SEMA3E: variants seen among roughly 807,000 people sequenced by gnomAD.
The protein encoded by SEMA3E is semaphorin 3E.
Under a neutral mutation model 93.6 loss-of-function variants are expected in SEMA3E, and 49 were observed. That is an observed-to-expected ratio of 0.52 (90% CI 0.42 to 0.66). The LOEUF is 0.66. Among genes scored for constraint, SEMA3E ranks in the 30% least tolerant of loss-of-function variants. The pLI is 0.00. For missense variants in SEMA3E, 906 were observed against 964.8 expected (o/e 0.94, Z 0.81); for synonymous variants, 363 against 330.7 (o/e 1.10, Z -1.06).
intron 1 of SEMA3E, among the ~76,000 whole-genome samples, chr7:83,492,894 A>G (rs1332679738): frequency 6.6e-6 from 1 of 151,956 alleles, no homozygotes; most frequent in Non-Finnish European, 1.5e-5. Context: ...ATTTACCTCT[A>G]AAAACATGAG....
At chr7:83,574,012 T>C (rs2115879520) in intron 1 of SEMA3E, among the ~76,000 whole-genome samples, 1 of 152,278 alleles carries the variant, frequency 6.6e-6, no homozygotes, top group African/African-American at 2.4e-5. Flanking sequence ...AAATATGCTC[T>C]CTTTAATCTG....
At position 83,520,678 on chromosome 7, in the gene SEMA3E, G is replaced by T. The variant is rs150199848; in HGVS notation, c.116-30404C>A. Among the ~76,000 whole-genome samples, 12 of 152,268 alleles carry T rather than the reference G, an allele frequency of 7.9e-5. No individual in the cohort carries two copies. In the East Asian group the frequency reaches 2.3e-3, roughly 29 times the overall value. ...ACCGTATTTAAGATACTTAATAGATGCAAGTTTAGCATTTCCAATATGGAA... is the reference window on the plus strand; with the variant it reads ...ACCGTATTTAAGATACTTAATAGATTCAAGTTTAGCATTTCCAATATGGAA... On this transcript the variant is annotated intron_variant, in intron 1 of 16. Coordinates refer to ENST00000643230, the MANE Select transcript of SEMA3E (RefSeq NM_012431.3).
At chr7:83,645,757 TCTC>T (rs1188980617) in intron 1 of SEMA3E, among the ~76,000 whole-genome samples, 11 of 151,442 alleles carry the variant, frequency 7.3e-5, no homozygotes, top group African/African-American at 2.7e-4. Flanking sequence ...CTCTGCCTTT[TCTC>T]CTCTTTAATC....
In SEMA3E at chr7:83,389,662, T is replaced by TAC. The variant is rs1012128455; in HGVS notation, c.1668-2614_1668-2613dup. ...TACACGTATATATTACATGTATACA[T>TAC]ACACACATATACACGTATATATTAC... On this transcript the variant is annotated intron_variant, in intron 14 of 16. Transcript: ENST00000643230. Among the ~76,000 whole-genome samples, 47 of 150,932 alleles carry TAC rather than the reference T, an allele frequency of 3.1e-4. 4 individuals are homozygous for TAC. Among genetic ancestry groups the TAC allele is most frequent in the African/African-American group, 1.1e-3 (45 of 41,246 alleles).
chr7:83,578,664 G>A (rs1174536068), intron 1 of SEMA3E, among the ~76,000 whole-genome samples: 2 of 151,826 alleles, frequency 1.3e-5, no homozygotes, highest in African/African-American at 4.8e-5. Flanking sequence ...AGAAAAACTG[G>A]TTATAAAAAA....
At chr7:83,401,759 T>C (rs1366651270) in intron 10 of SEMA3E, among the ~76,000 whole-genome samples, 1 of 152,064 alleles carries the variant, frequency 6.6e-6, no homozygotes, top group African/African-American at 2.4e-5. Flanking sequence ...GACTTGCAAG[T>C]AATCGTGGAA....
intron 2 of SEMA3E, among the ~76,000 whole-genome samples, chr7:83,470,856 C>T (rs1373261001): frequency 5.6e-5 from 3 of 53,710 alleles, no homozygotes; most frequent in South Asian, 7.4e-4. Context: ...GGTTCCCCCA[C>T]ATTTTCTTTT....
Position 83,400,058 on chromosome 7 carries a change from C to T in SEMA3E, c.1336G>A (p.Gly446Ser), listed in dbSNP as rs776050170. 1.2e-6 allele frequency: 2 copies of T among 1,613,816 alleles called. No homozygotes were observed. The highest frequency in any genetic ancestry group is 1.7e-6 in the Non-Finnish European group (2 of 1,179,792). The change falls in exon 11 of 17, where the codon GGC becomes AGC. Residue 446 changes from glycine to serine, a missense_variant. Coordinates refer to ENST00000643230, the MANE Select transcript of SEMA3E (RefSeq NM_012431.3). ...CCAATAAACAAGACGTCATATTGGC[C>T]ATCCTCAGCTTCCACTCGATCTACT... Reference protein sequence around the residue: ...IAVDRVEAEDGQYDVLFIGTD... With the variant: ...IAVDRVEAEDSQYDVLFIGTD...
intron 1 of SEMA3E, among the ~76,000 whole-genome samples, chr7:83,597,918 G>T (rs1385961516): frequency 1.3e-5 from 2 of 152,142 alleles, no homozygotes; most frequent in African/African-American, 2.4e-5. Context: ...ATACAAGAAT[G>T]TATATAAGAG....
chr7:83,432,310 A>C (rs1458103254), intron 4 of SEMA3E, among the ~76,000 whole-genome samples: 1 of 152,082 alleles, frequency 6.6e-6, no homozygotes, highest in Non-Finnish European at 1.5e-5. Flanking sequence ...GCATGGTTTA[A>C]ATAGAAGAAA....
chr7:83,596,264 C>A (rs1014919961), intron 1 of SEMA3E, among the ~76,000 whole-genome samples: 1 of 151,792 alleles, frequency 6.6e-6, no homozygotes, highest in Non-Finnish European at 1.5e-5. Context: ...TCTTTTCTGT[C>A]TTTTTCCTTC....
chr7:83,373,675 T>G (rs899221271), intron 16 of SEMA3E, among the ~76,000 whole-genome samples: 1 of 151,962 alleles, frequency 6.6e-6, no homozygotes, highest in African/African-American at 2.4e-5. Context: ...CTCAAAACCA[T>G]AACATGTAAA....
chr7:83,548,577 A>G (rs2115792102), intron 1 of SEMA3E, among the ~76,000 whole-genome samples: 1 of 152,132 alleles, frequency 6.6e-6, no homozygotes, highest in East Asian at 1.9e-4. Flanking sequence ...AGTATTTGGT[A>G]AGTGGATCCT....
chr7:83,484,192 T>C lies in SEMA3E; in HGVS notation c.276+5922A>G, dbSNP rs950014419. 2.0e-5 allele frequency among the ~76,000 whole-genome samples: 3 copies of C among 152,198 alleles called. 1 individual carries two copies. Among genetic ancestry groups the C allele is most frequent in the Admixed American group, 1.3e-4 (2 of 15,270 alleles). ...GTGGCTTTTTTACTCTAAACCCACA[T>C]GTGAGGAAAATATTTTCACTGACCA... On this transcript the variant is annotated intron_variant, in intron 2 of 16. Coordinates refer to ENST00000643230, the MANE Select transcript of SEMA3E (RefSeq NM_012431.3).
At chr7:83,584,844 G>T (rs748421516) in intron 1 of SEMA3E, among the ~76,000 whole-genome samples, 1 of 151,944 alleles carries the variant, frequency 6.6e-6, no homozygotes, top group Non-Finnish European at 1.5e-5. Context: ...CTCCACTCTT[G>T]TCACCTCCAA....
chr7:83,648,397 T>G, intron 1 of SEMA3E, 31 bp downstream of exon 1: 1 of 1,436,418 alleles, frequency 7.0e-7, no homozygotes, highest in Non-Finnish European at 9.7e-7. Context: ...TTTTTTTTTT[T>G]TAAACAAAAG....
Position 83,402,655 on chromosome 7 carries a change from C to A in SEMA3E, c.1120G>T (p.Val374Phe). ...ACAGAACCAGGCCTTGGATAAGGGA[C>A]TTTTCCTTCATAGACTGACCAGTGG... Reference protein sequence around the residue: ...EYHWSVYEGKVPYPRPGSCAS... With the variant: ...EYHWSVYEGKFPYPRPGSCAS... Residue 374 changes from valine to phenylalanine, a missense_variant, in exon 10 of 17, where the codon GTC becomes TTC. Coordinates refer to ENST00000643230, the MANE Select transcript of SEMA3E (RefSeq NM_012431.3). 6.2e-7 allele frequency: 1 copy of A among 1,612,766 alleles called. No individual in the cohort carries two copies. Among genetic ancestry groups the A allele is most frequent in the Non-Finnish European group, 8.5e-7 (1 of 1,179,054 alleles).
intron 15 of SEMA3E, among the ~76,000 whole-genome samples, chr7:83,386,459 C>G (rs17213034): frequency 1.3e-5 from 2 of 152,008 alleles, no homozygotes; most frequent in Non-Finnish European, 2.9e-5. Flanking sequence ...GAGATTTCCT[C>G]CATTCCTAAC....
At chr7:83,399,768 G>GA (rs912186932) in intron 11 of SEMA3E, among the ~76,000 whole-genome samples, 128 of 151,616 alleles carry the variant, frequency 8.4e-4, no homozygotes, top group African/African-American at 2.2e-3. Context: ...TCTCACATCT[G>GA]AAAAAAAACC....
Sources: gnomAD v4.1 joint callset for allele counts (sites outside exome capture counted in the v4.1 genomes callset) on GRCh38, gnomAD v4.1.1 for gene constraint, MANE v1.5 for transcripts, NCBI Gene and HGNC (gene_info 2026-07-23, HGNC 2026-07-21) for gene names.